The following CMSS1 variants were observed in gnomAD, a reference collection of about 807,000 sequenced individuals.
CMSS1 encodes the protein protein CMSS1.
In CMSS1, 33 loss-of-function variants were observed where a neutral mutation model predicts 43.5. The observed-to-expected ratio is 0.76, with a 90% CI of 0.57 to 1.01. The LOEUF is 1.01. Ranked by LOEUF, CMSS1 falls within the 50% of genes least tolerant of loss-of-function variation. The pLI is 0.00. For missense variants in CMSS1, 313 were observed against 326.4 expected, an observed-to-expected ratio of 0.96 and a Z score of 0.32; for synonymous variants, 115 against 117.2, an observed-to-expected ratio of 0.98 and a Z score of 0.12.
chr3:100,038,674 T>A (rs2065150950), intron 1 of CMSS1, among the ~76,000 whole-genome samples: 1 of 152,230 alleles, frequency 6.6e-6, no homozygotes, highest in Non-Finnish European at 1.5e-5. Context: ...TTTGTTTCTT[T>A]CTTTTTAAAG....
At chr3:99,886,458 T>G (rs944072251) in intron 1 of CMSS1, among the ~76,000 whole-genome samples, 5 of 152,110 alleles carry the variant, frequency 3.3e-5, no homozygotes, top group Admixed American at 1.3e-4. Flanking sequence ...TTAAGAAAGT[T>G]TATGAATTTG....
intron 1 of CMSS1, among the ~76,000 whole-genome samples, chr3:99,984,704 T>C (rs1709279430): frequency 6.6e-6 from 1 of 152,158 alleles, no homozygotes; most frequent in African/African-American, 2.4e-5. Flanking sequence ...GAGGGAATCC[T>C]AGCATGTAGG....
At chr3:100,118,750 G>T (rs945881682) in intron 1 of CMSS1, among the ~76,000 whole-genome samples, 1 of 152,080 alleles carries the variant, frequency 6.6e-6, no homozygotes, top group Non-Finnish European at 1.5e-5. Flanking sequence ...TGGCCTTTCT[G>T]TCACAGCATC....
At chr3:99,821,208 A>G (rs1412518806) in intron 1 of CMSS1, among the ~76,000 whole-genome samples, 6 of 152,242 alleles carry the variant, frequency 3.9e-5, no homozygotes, top group South Asian at 2.1e-4. Context: ...GGAGCTCAAC[A>G]TGGGACCTGG....
intron 3 of CMSS1, 123 bp from the exon 4 acceptor site, chr3:100,162,180 C>G (rs2067029171): frequency 7.5e-6 from 5 of 662,726 alleles, no homozygotes; most frequent in Middle Eastern, 8.2e-4. Context: ...TATTAAAACC[C>G]ACATTCACAC....
intron 1 of CMSS1, among the ~76,000 whole-genome samples, chr3:99,952,294 T>A (rs1160600645): frequency 6.6e-6 from 1 of 152,218 alleles, no homozygotes; most frequent in African/African-American, 2.4e-5. Flanking sequence ...TTATTTTGGC[T>A]TAAGCTAGAC....
At chr3:99,888,576 C>T (rs1006095552) in intron 1 of CMSS1, among the ~76,000 whole-genome samples, 8 of 152,252 alleles carry the variant, frequency 5.3e-5, no homozygotes, top group Non-Finnish European at 8.8e-5. Context: ...CTGTTTGATC[C>T]ATCACTGAAA....
intron 1 of CMSS1, among the ~76,000 whole-genome samples, chr3:99,893,953 G>A (rs923902093): frequency 3.9e-5 from 6 of 152,148 alleles, no homozygotes; most frequent in African/African-American, 1.4e-4. Flanking sequence ...TTGAAGCTGG[G>A]TGTCAAGATA....
chr3:100,052,262 G>C (rs2065386925), intron 1 of CMSS1, among the ~76,000 whole-genome samples: 1 of 152,228 alleles, frequency 6.6e-6, no homozygotes, highest in Non-Finnish European at 1.5e-5. Context: ...TTTTGCATGA[G>C]CAGACATGGC....
At chr3:100,053,859 G>A (rs1451070363) in intron 1 of CMSS1, among the ~76,000 whole-genome samples, 2 of 152,030 alleles carry the variant, frequency 1.3e-5, no homozygotes, top group East Asian at 1.9e-4. Context: ...TGCCCCCTGG[G>A]GCCAGATTTT....
intron 1 of CMSS1, among the ~76,000 whole-genome samples, chr3:100,106,112 T>C (rs558877922): frequency 6.6e-6 from 1 of 152,216 alleles, no homozygotes; most frequent in East Asian, 1.9e-4. Context: ...GATATTACTG[T>C]CAATGGTAGA....
At chr3:99,982,013 T>C (rs1709139177) in intron 1 of CMSS1, among the ~76,000 whole-genome samples, 7 of 152,204 alleles carry the variant, frequency 4.6e-5, no homozygotes, top group Admixed American at 4.6e-4. Flanking sequence ...TTCTATTTTA[T>C]TTTTCTGATA....
intron 1 of CMSS1, among the ~76,000 whole-genome samples, chr3:100,034,372 G>A (rs2065071936): frequency 6.6e-6 from 1 of 152,172 alleles, no homozygotes; most frequent in South Asian, 2.1e-4. Context: ...TGTGCAGGCT[G>A]CAGAATGTTA....
At chr3:99,897,562 G>C (rs1706298257) in intron 1 of CMSS1, among the ~76,000 whole-genome samples, 1 of 151,966 alleles carries the variant, frequency 6.6e-6, no homozygotes, top group Non-Finnish European at 1.5e-5. Context: ...ATTCTCTAAG[G>C]CTTAATATTA....
Position 100,127,402 on chromosome 3 carries a change from G to A in CMSS1, c.65-19571G>A, listed in dbSNP as rs187494343. ...CCTTACAGCACATAGAGACAATGTC[G>A]TCTTTCCCAGGATGGCTCTAAAACC... On this transcript the variant is annotated intron_variant, in intron 1 of 9. Transcript: ENST00000421999. Among the ~76,000 whole-genome samples, 546 of 152,250 alleles carry A rather than the reference G, an allele frequency of 3.6e-3. 2 individuals are homozygous for A. Among genetic ancestry groups the A allele is most frequent in the African/African-American group, 0.012 (517 of 41,538 alleles).
intron 8 of CMSS1, among the ~76,000 whole-genome samples, chr3:100,175,409 G>A (rs1417712502): frequency 6.6e-6 from 1 of 152,166 alleles, no homozygotes; most frequent in African/African-American, 2.4e-5. Flanking sequence ...ATTATGCTCA[G>A]TTTCATTCCA....
chr3:99,909,854 A>G (rs974272995), intron 1 of CMSS1, among the ~76,000 whole-genome samples: 1 of 152,244 alleles, frequency 6.6e-6, no homozygotes, highest in Non-Finnish European at 1.5e-5. Context: ...TGAAAGTCAC[A>G]GTCTGCAACC....
At chr3:100,168,416 C>T (rs1028355111) in intron 6 of CMSS1, among the ~76,000 whole-genome samples, 29 of 152,108 alleles carry the variant, frequency 1.9e-4, no homozygotes, top group African/African-American at 6.5e-4. Flanking sequence ...AGACAGAAGC[C>T]GGGCACAGCA....
At chr3:99,835,011 A>T (rs1417630532) in intron 1 of CMSS1, among the ~76,000 whole-genome samples, 1 of 152,222 alleles carries the variant, frequency 6.6e-6, no homozygotes. Context: ...CATCATCAGC[A>T]TCATCTTTGT....
Sources: gnomAD v4.1 joint callset for allele counts (sites outside exome capture counted in the v4.1 genomes callset) on GRCh38, gnomAD v4.1.1 for gene constraint, MANE v1.5 for transcripts, NCBI Gene and HGNC (gene_info 2026-07-23, HGNC 2026-07-21) for gene names.